The following TSEN54 variants were observed in gnomAD, a reference collection of about 807,000 sequenced individuals.
TSEN54 encodes the protein tRNA splicing endonuclease subunit 54.
Under a neutral mutation model 61.9 loss-of-function variants are expected in TSEN54, and 55 were observed. That is an observed-to-expected ratio of 0.89 (90% CI 0.72 to 1.11). The LOEUF (loss-of-function observed/expected upper bound fraction) is 1.11, where lower values mean the gene tolerates loss of function less well. Ranked by LOEUF, TSEN54 falls within the 50% of genes most tolerant of loss-of-function variation. The pLI, the probability that TSEN54 is intolerant of heterozygous loss-of-function variation, is 0.00. For synonymous variants in TSEN54, 304 were observed against 288.7 expected (o/e 1.05, Z -0.54); for missense variants, 760 against 687.7 (o/e 1.11, Z -1.18).
rs2053456303 is a variant in TSEN54, at chr17:75,523,610, A to G, written c.1314-53A>G. On this transcript the variant is annotated intron_variant, in intron 9 of 10. Transcript: ENST00000333213. The stretch of plus-strand genomic sequence containing the variant: ...GTGGAGGGAAAGGGTGGGATGGAAA[A>G]GAAAGGTTGGGGAGAAGAGTTCATG... 1.9e-6 allele frequency: 3 copies of G among 1,613,680 alleles called. No individual in the cohort carries two copies. In the South Asian group the frequency reaches 3.3e-5, roughly 18 times the overall value.
intron 6 of TSEN54, among the ~76,000 whole-genome samples, chr17:75,520,336 G>A (rs1297018549): frequency 6.6e-6 from 1 of 151,528 alleles, no homozygotes; most frequent in African/African-American, 2.4e-5. Context: ...TTGGGAGGCC[G>A]ACGCGGGCGG....
chr17:75,517,742 G>A, intron 5 of TSEN54, 87 bp downstream of exon 5: 1 of 1,181,888 alleles, frequency 8.5e-7, no homozygotes, highest in African/African-American at 1.5e-5. Flanking sequence ...CAGGCACAGT[G>A]TCACATGCTG....
chr17:75,524,326 C>T lies in TSEN54; in HGVS notation c.1495C>T (p.Pro499Ser), dbSNP rs750809505. 7 of 1,614,176 alleles carry T rather than the reference C, an allele frequency of 4.3e-6. No homozygotes were observed. The highest frequency in any genetic ancestry group is 5.9e-6 in the Non-Finnish European group (7 of 1,180,030). The change falls in exon 11 of 11, where the codon CCT (proline) becomes TCT (serine). Residue 499 changes from proline (P) to serine (S), a missense_variant. Physicochemically the swap from Pro to Ser is moderately conservative, Grantham distance 74. This residue lies in a region of TSEN54 where 83 missense variants were observed against 82.9 expected (regional missense o/e 1.00). Transcript: ENST00000333213. ...GTTGTCTTACCAGAGTGGGGATGTC[C>T]CTCTGATCTTTGCCCTGGTGGATCA... Reference protein sequence around the residue: ...KRLSYQSGDVPLIFALVDHGD... With the variant: ...KRLSYQSGDVSLIFALVDHGD...
At chr17:75,523,068 A>G in intron 8 of TSEN54, 1 of 613,856 alleles carries the variant, frequency 1.6e-6, no homozygotes, top group Non-Finnish European at 3.0e-6. Flanking sequence ...AATCCCAGCT[A>G]CTCAGGAGGC....
At position 75,521,933 on chromosome 17, in the gene TSEN54, C is replaced by T. The variant is rs776884892; in HGVS notation, c.852C>T (p.Ala284=). Residue 284 remains alanine, a synonymous_variant, in exon 8 of 11, where the codon GCC becomes GCT. Transcript: ENST00000333213. The part of the protein sequence containing the change: ...GVGCSWESGR[A]ENGVTGAGKR... ...GGTGCAGCTGGGAGAGTGGCAGAGC[C>T]GAGAACGGAGTCACGGGAGCCGGTA... 8.7e-6 allele frequency: 14 copies of T among 1,610,266 alleles called. No homozygotes were observed. Among genetic ancestry groups the T allele is most frequent in the African/African-American group, 2.7e-5 (2 of 74,804 alleles).
At chr17:75,523,544 A>T in intron 9 of TSEN54, 119 bp from the exon 10 acceptor site, 2 of 1,610,842 alleles carry the variant, frequency 1.2e-6, no homozygotes, top group Non-Finnish European at 1.7e-6. Context: ...AGAGCCCCCA[A>T]CCCTCAAGTG....
chr17:75,522,120 A>T lies in TSEN54; in HGVS notation c.1039A>T (p.Lys347Ter), dbSNP rs143604970. ...WCQKLNQRKE[K>*]LSRREREHHA... ...CCAGAAGCTGAACCAGCGCAAGGAG[A>T]AGCTCTCCAGGCGGGAACGGGAGCA... Residue 347 changes from lysine (K) to a stop codon, truncating the protein, a stop_gained, in exon 8 of 11, where the codon AAG becomes TAG. Coordinates refer to ENST00000333213, the MANE Select transcript of TSEN54 (RefSeq NM_207346.3). LOFTEE classifies it high-confidence loss of function. The T allele has an allele frequency of 2.8e-5, 44 of 1,577,112 alleles. No individual in the cohort carries two copies. Among genetic ancestry groups the T allele is most frequent in the African/African-American group, 6.8e-5 (5 of 73,858 alleles).
At position 75,524,686 on chromosome 17, in the gene TSEN54, T is replaced by C; in HGVS notation, c.*274T>C. ...GGACTGTGTGCCTTTAACGAGAGGG[T>C]GCCTGCTTCGTGCTATAAAGCCAAA... On this transcript the variant is annotated 3_prime_UTR_variant, in exon 11 of 11. Transcript: ENST00000333213. 1 of 551,428 alleles carries C rather than the reference T, an allele frequency of 1.8e-6. No homozygotes were observed. The highest frequency in any genetic ancestry group is 3.3e-6 in the Non-Finnish European group (1 of 305,170). 34.2% of individuals were successfully genotyped at this position (551,428 alleles called of 1,614,324 possible). A position where few individuals can be genotyped will look rare whatever the true frequency, so the allele number is the denominator to read the frequency against.
chr17:75,519,067 C>A lies in TSEN54; in HGVS notation c.521+20C>A. On this transcript the variant is annotated intron_variant, in intron 6 of 10. Coordinates refer to ENST00000333213, the MANE Select transcript of TSEN54 (RefSeq NM_207346.3). ...ACCAAGGTAAATCCCCTTCCTGTTCCCCTTCCATATATTCTAGTCCTGGGA... is the reference window on the plus strand; with the variant it reads ...ACCAAGGTAAATCCCCTTCCTGTTCACCTTCCATATATTCTAGTCCTGGGA... 2 of 1,613,814 alleles carry A rather than the reference C, an allele frequency of 1.2e-6. No individual in the cohort carries two copies. The highest frequency in any genetic ancestry group is 1.7e-6 in the Non-Finnish European group (2 of 1,179,830).
At position 75,523,336 on chromosome 17, in the gene TSEN54, G is replaced by A; in HGVS notation, c.1313+1G>A. 6.2e-7 allele frequency: 1 copy of A among 1,614,056 alleles called. No individual in the cohort carries two copies. ...CACACCTTCCTGATGGAGGTGCCCG[G>A]TAAGTTTCCAAGCAGTGCCGTCTCT... On this transcript the variant is annotated splice_donor_variant, in intron 9 of 10. Transcript: ENST00000333213. LOFTEE classifies it high-confidence loss of function.
chr17:75,523,454 C>T (rs776066508), intron 9 of TSEN54, 119 bp downstream of exon 9: 65 of 1,602,744 alleles, frequency 4.1e-5, no homozygotes, highest in Non-Finnish European at 5.3e-5. Context: ...CCTACCCCTA[C>T]GCCTAGCTCT....
At chr17:75,518,121 T>C (rs934635889) in intron 5 of TSEN54, among the ~76,000 whole-genome samples, 1 of 152,076 alleles carries the variant, frequency 6.6e-6, no homozygotes, top group African/African-American at 2.4e-5. Context: ...GAGGAGCAGA[T>C]TTGGGAGGAC....
At chr17:75,518,490 A>C in intron 5 of TSEN54, 1 of 983,000 alleles carries the variant, frequency 1.0e-6, no homozygotes, top group Non-Finnish European at 1.2e-6. Flanking sequence ...GCTGTGCTAA[A>C]GCCTGCTGAG....
rs1226320805 is a variant in TSEN54 at position 75,516,578 on chromosome 17, G to T, written c.18G>T (p.Glu6Asp). 74 of 1,154,956 alleles carry T rather than the reference G, an allele frequency of 6.4e-5. No homozygotes were observed. The East Asian group carries it at 2.4e-3, about 37-fold the overall frequency. The allele number at this position is 1,154,956 out of a possible 1,614,324, so 71.5% of individuals were successfully genotyped here. A position where few individuals can be genotyped will look rare whatever the true frequency, so the allele number is the denominator to read the frequency against. Residue 6 changes from glutamate (E) to aspartate (D), a missense_variant, in exon 1 of 11, where the codon GAG (glutamate) becomes GAT (aspartate). Glu to Asp is a conservative substitution (Grantham distance 45). Transcript: ENST00000333213. MEPEP[E>D]PAAVEVPAGR... Reference sequence around the variant, plus strand: ...GCGGCGGGATGGAGCCCGAGCCCGAGCCCGCGGCCGTGGAGGTTCCCGCGG... The same window carrying T: ...GCGGCGGGATGGAGCCCGAGCCCGATCCCGCGGCCGTGGAGGTTCCCGCGG...
Position 75,517,660 on chromosome 17 carries a change from C to T in TSEN54, c.468+5C>T. The T allele has an allele frequency of 4.3e-6, 7 of 1,612,594 alleles. No individual in the cohort carries two copies. The highest frequency in any genetic ancestry group is 5.9e-6 in the Non-Finnish European group (7 of 1,179,086). On this transcript the variant is annotated splice_donor_5th_base_variant and intron_variant, in intron 5 of 10. Coordinates refer to ENST00000333213, the MANE Select transcript of TSEN54 (RefSeq NM_207346.3). ...GTGACCTTCCTGCAGTACCAGGTAT[C>T]TGCCACCACCCCGCCTCCGGGAGCC... is the stretch of plus-strand genomic sequence containing the variant.
chr17:75,516,886 T>C lies in TSEN54; in HGVS notation c.197T>C (p.Leu66Pro), dbSNP rs1388222262. Residue 66 changes from leucine to proline, a missense_variant, in exon 2 of 11, where the codon CTG becomes CCG. Leu to Pro is a moderately conservative substitution (Grantham distance 98, BLOSUM62 -3). Around this residue, in one of 3 missense-constraint regions of TSEN54, gnomAD observed 667 missense variants for 577.8 expected, o/e 1.15. Transcript: ENST00000333213. Reference sequence around the variant, plus strand: ...TGCCGGGAAGAGCTCTGGCAGCTGCTGGCAGAGCAGCGCGTGGAGCGCCTG... The same window carrying C: ...TGCCGGGAAGAGCTCTGGCAGCTGCCGGCAGAGCAGCGCGTGGAGCGCCTG... ...RRCREELWQL[L>P]AEQRVERLGS... 5.8e-6 allele frequency: 9 copies of C among 1,555,156 alleles called. No individual in the cohort carries two copies. The highest frequency in any genetic ancestry group is 1.4e-5 in the African/African-American group (1 of 73,328).
intron 5 of TSEN54, 159 bp from the exon 6 acceptor site, chr17:75,518,836 T>G: frequency 1.0e-6 from 1 of 985,334 alleles, no homozygotes; most frequent in Non-Finnish European, 1.2e-6. Context: ...AGGGATGGTG[T>G]TCGTAATGAA....
In TSEN54 at chr17:75,522,159, G is replaced by C. The variant is rs374200799; in HGVS notation, c.1078G>C (p.Ala360Pro). ...GGAACGGGAGCACCACGCGGAGGCC[G>C]CGCAGTTCCAGGAAGATGTCAACGC... ...RREREHHAEA[A>P]QFQEDVNADP... Residue 360 changes from alanine to proline, a missense_variant, in exon 8 of 11, where the codon GCG becomes CCG. This residue lies in a region of TSEN54 where 667 missense variants were observed against 577.8 expected (regional missense o/e 1.15). Coordinates refer to ENST00000333213, the MANE Select transcript of TSEN54 (RefSeq NM_207346.3). The C allele has an allele frequency of 3.9e-6, 6 of 1,554,910 alleles. No individual in the cohort carries two copies. Among genetic ancestry groups the C allele is most frequent in the South Asian group, 1.2e-5 (1 of 84,694 alleles).
chr17:75,521,316 G>T, intron 6 of TSEN54, 93 bp from the exon 7 acceptor site: 1 of 1,078,082 alleles, frequency 9.3e-7, no homozygotes, highest in Non-Finnish European at 1.4e-6. Flanking sequence ...CTGGCCCACT[G>T]ACTGTCCTCT....
Sources: allele counts gnomAD v4.1 joint callset (sites outside exome capture counted in the v4.1 genomes callset), GRCh38; gene constraint gnomAD v4.1.1; regional missense constraint gnomAD v4.1.1; transcripts MANE v1.5; gene names NCBI Gene and HGNC (gene_info 2026-07-23, HGNC 2026-07-21).